The following LURAP1L variants were observed in gnomAD, a reference collection of about 807,000 sequenced individuals.
LURAP1L encodes leucine rich adaptor protein 1-like.
In LURAP1L, 12 loss-of-function variants were observed where a neutral mutation model predicts 13.8. That is an observed-to-expected ratio of 0.87 (90% CI 0.56 to 1.41). The LOEUF is 1.41. Ranked by LOEUF, LURAP1L falls within the 40% of genes most tolerant of loss-of-function variation. The pLI is 0.00. For missense variants in LURAP1L, 375 were observed against 292.9 expected, an observed-to-expected ratio of 1.28 and a Z score of -2.04; for synonymous variants, 139 against 119.2, an observed-to-expected ratio of 1.17 and a Z score of -1.08.
At chr9:12,805,771 T>G (rs1281848316) in intron 1 of LURAP1L, among the ~76,000 whole-genome samples, 1 of 152,220 alleles carries the variant, frequency 6.6e-6, no homozygotes, top group Admixed American at 6.5e-5. Flanking sequence ...CAGTACCTAC[T>G]AGTCTCTGGA....
rs775857755 is a variant in LURAP1L at position 12,802,278 on chromosome 9, T to C, written c.313-19108T>C. 3.3e-4 allele frequency among the ~76,000 whole-genome samples: 51 copies of C among 152,272 alleles called. 2 individuals carry two copies. The Middle Eastern group carries it at 0.01, about 30-fold the overall frequency. On this transcript the variant is annotated intron_variant, in intron 1 of 1. Transcript: ENST00000319264. Reference sequence around the variant, plus strand: ...GTTTGGATCTGTGTCCCCACCCAAGTCTCATGTTCTGTATTCATCCCCAGT... The same window carrying C: ...GTTTGGATCTGTGTCCCCACCCAAGCCTCATGTTCTGTATTCATCCCCAGT...
At chr9:12,776,379 C>G (rs547170079) in intron 1 of LURAP1L, among the ~76,000 whole-genome samples, 2 of 152,176 alleles carry the variant, frequency 1.3e-5, no homozygotes, top group African/African-American at 4.8e-5. Flanking sequence ...TTGCACCCAT[C>G]TAAGGCCTGC....
rs114236654 is a variant in LURAP1L at position 12,809,006 on chromosome 9, A to C, written c.313-12380A>C. ...TTCTGGTTAGGTCCTCAGGAAGCTT[A>C]CAATCATGGCAGAAGGAAAGGGCAG... On this transcript the variant is annotated intron_variant, in intron 1 of 1. Transcript: ENST00000319264. 9.1e-3 allele frequency among the ~76,000 whole-genome samples: 1,379 copies of C among 152,292 alleles called. 19 individuals carry two copies. Among genetic ancestry groups the C allele is most frequent in the African/African-American group, 0.031 (1,309 of 41,566 alleles).
intron 1 of LURAP1L, among the ~76,000 whole-genome samples, chr9:12,787,899 G>T (rs1180370396): frequency 6.6e-6 from 1 of 152,024 alleles, no homozygotes; most frequent in Non-Finnish European, 1.5e-5. Context: ...ATCACTAGAA[G>T]TCAGGAATTC....
intron 1 of LURAP1L, among the ~76,000 whole-genome samples, chr9:12,805,693 T>C (rs1819647658): frequency 6.6e-6 from 1 of 152,218 alleles, no homozygotes; most frequent in Admixed American, 6.5e-5. Context: ...AAAACCAGAT[T>C]GCTAATTATT....
At chr9:12,812,240 T>C (rs1369253863) in intron 1 of LURAP1L, among the ~76,000 whole-genome samples, 1 of 152,160 alleles carries the variant, frequency 6.6e-6, no homozygotes, top group African/African-American at 2.4e-5. Flanking sequence ...AGGGTGGTTA[T>C]TGGGAGATAT....
intron 1 of LURAP1L, among the ~76,000 whole-genome samples, chr9:12,795,752 A>AT: frequency 6.6e-6 from 1 of 151,920 alleles, no homozygotes. Context: ...CACTTACTCT[A>AT]TTTTTTTCTT....
chr9:12,821,367 C>T lies in LURAP1L; in HGVS notation c.313-19C>T, dbSNP rs1284272240. 1.3e-6 allele frequency: 2 copies of T among 1,595,724 alleles called. No homozygotes were observed. Among genetic ancestry groups the T allele is most frequent in the East Asian group, 4.5e-5 (2 of 44,490 alleles). On this transcript the variant is annotated intron_variant, in intron 1 of 1. Coordinates refer to ENST00000319264, the MANE Select transcript of LURAP1L (RefSeq NM_203403.2). ...AGTGTAAAATGGCTGGAATATCTTT[C>T]TTCTCTCTTTGTCCATAGGTTAACC... is the stretch of plus-strand genomic sequence containing the variant.
chr9:12,781,783 AT>A (rs1425058792), intron 1 of LURAP1L, among the ~76,000 whole-genome samples: 5 of 152,106 alleles, frequency 3.3e-5, no homozygotes, highest in Non-Finnish European at 7.4e-5. Flanking sequence ...TAGTAGTGGG[AT>A]TGCTGGATTA....
At chr9:12,782,891 C>A (rs542284328) in intron 1 of LURAP1L, among the ~76,000 whole-genome samples, 1 of 152,164 alleles carries the variant, frequency 6.6e-6, no homozygotes, top group Non-Finnish European at 1.5e-5. Context: ...TATTCAATTT[C>A]TTGCATCGGT....
At chr9:12,793,566 T>G (rs1237046760) in intron 1 of LURAP1L, among the ~76,000 whole-genome samples, 1 of 152,124 alleles carries the variant, frequency 6.6e-6, no homozygotes, top group African/African-American at 2.4e-5. Context: ...AGACTAATTT[T>G]GTAAAAGGTG....
intron 1 of LURAP1L, among the ~76,000 whole-genome samples, chr9:12,785,494 G>C (rs868794224): frequency 6.6e-6 from 1 of 152,162 alleles, no homozygotes; most frequent in African/African-American, 2.4e-5. Context: ...TGACCCCAGA[G>C]CACTTTAGCC....
In LURAP1L at chr9:12,775,631, C is replaced by G. The variant is rs1819160066; in HGVS notation, c.-85C>G. The G allele has an allele frequency of 1.3e-5, 19 of 1,497,646 alleles. No homozygotes were observed. Among genetic ancestry groups the G allele is most frequent in the East Asian group, 2.3e-5 (1 of 43,176 alleles). 92.8% of individuals were successfully genotyped at this position (1,497,646 alleles called of 1,614,324 possible). ...TAGAGACCCTGGCCCCCGGAGAGGT[C>G]TGCTGATTTCGCAGCAGCCTTCGAA... On this transcript the variant is annotated 5_prime_UTR_variant, in exon 1 of 2. Coordinates refer to ENST00000319264, the MANE Select transcript of LURAP1L (RefSeq NM_203403.2).
At chr9:12,777,675 A>G (rs1334449264) in intron 1 of LURAP1L, 2 of 725,294 alleles carry the variant, frequency 2.8e-6, no homozygotes, top group African/African-American at 2.0e-5. Flanking sequence ...ATATAACTTG[A>G]AAACAGTAAC....
chr9:12,810,266 G>C (rs1198895909), intron 1 of LURAP1L, among the ~76,000 whole-genome samples: 1 of 152,118 alleles, frequency 6.6e-6, no homozygotes, highest in African/African-American at 2.4e-5. Context: ...TCACAAGCTA[G>C]TCCACACTAA....
rs575579344 is a variant in LURAP1L, at chr9:12,792,766, C to T, written c.312+16739C>T. On this transcript the variant is annotated intron_variant, in intron 1 of 1. Coordinates refer to ENST00000319264, the MANE Select transcript of LURAP1L (RefSeq NM_203403.2). ...AATATCCACTTGTTTTTTCTTGAAT[C>T]TGGCTATGATTCGTGTTTTTCAGGA... Among the ~76,000 whole-genome samples, 5 of 152,150 alleles carry T rather than the reference C, an allele frequency of 3.3e-5. No individual in the cohort carries two copies. In the South Asian group the frequency reaches 1.0e-3, roughly 32 times the overall value.
intron 1 of LURAP1L, among the ~76,000 whole-genome samples, chr9:12,804,812 C>T (rs981391113): frequency 1.3e-5 from 2 of 151,996 alleles, no homozygotes; most frequent in African/African-American, 2.4e-5. Context: ...AAAGGTAGTC[C>T]GAGTTAAATT....
chr9:12,778,655 G>A (rs963130089), intron 1 of LURAP1L, among the ~76,000 whole-genome samples: 63 of 152,278 alleles, frequency 4.1e-4, no homozygotes, highest in African/African-American at 9.9e-4. Flanking sequence ...CTGTAGAGAC[G>A]ATGTTTCCAA....
intron 1 of LURAP1L, among the ~76,000 whole-genome samples, chr9:12,800,509 T>C (rs577871518): frequency 4.0e-5 from 6 of 151,056 alleles, no homozygotes; most frequent in Non-Finnish European, 7.4e-5. Context: ...AGGAAGTTCA[T>C]AGGGGTTTAG....
Sources: gnomAD v4.1 joint callset for allele counts (sites outside exome capture counted in the v4.1 genomes callset) on GRCh38, gnomAD v4.1.1 for gene constraint, MANE v1.5 for transcripts, NCBI Gene and HGNC (gene_info 2026-07-23, HGNC 2026-07-21) for gene names.